The following RGS6 variants were observed in gnomAD, a reference collection of about 807,000 sequenced individuals.
RGS6 encodes the protein regulator of G-protein signaling 6.
RGS6 carries 30 observed loss-of-function variants against 78.5 expected under a neutral mutation model. The observed-to-expected ratio is 0.38, with a 90% CI of 0.29 to 0.52. The LOEUF (loss-of-function observed/expected upper bound fraction) is 0.52, where lower values mean the gene tolerates loss of function less well. RGS6 is among the 20% of genes least tolerant of loss of function. RGS6 has a pLI of 0.85. For synonymous variants in RGS6, 206 were observed against 206.0 expected, an observed-to-expected ratio of 1.00 and a Z score of 0.00; for missense variants, 495 against 609.7, an observed-to-expected ratio of 0.81 and a Z score of 1.98.
chr14:72,471,958 C>A (rs114655630), intron 8 of RGS6, among the ~76,000 whole-genome samples: 1 of 152,100 alleles, frequency 6.6e-6, no homozygotes, highest in African/African-American at 2.4e-5. Flanking sequence ...TGGTATTTCT[C>A]GATTAACTTT....
intron 2 of RGS6, among the ~76,000 whole-genome samples, chr14:72,069,694 CATGCCCAGCTA>C (rs1050020514): frequency 4.6e-5 from 7 of 151,972 alleles, no homozygotes; most frequent in Non-Finnish European, 1.0e-4. Flanking sequence ...CACACACCAC[CATGCCCAGCTA>C]ATTTTTGTAT....
intron 2 of RGS6, among the ~76,000 whole-genome samples, chr14:72,108,125 T>C (rs2095672315): frequency 6.6e-6 from 1 of 152,156 alleles, no homozygotes; most frequent in African/African-American, 2.4e-5. Context: ...AGGAAGAAGT[T>C]ATGGGAACAG....
intron 15 of RGS6, among the ~76,000 whole-genome samples, chr14:72,519,098 AC>A (rs1168698961): frequency 2.0e-5 from 3 of 152,248 alleles, no homozygotes; most frequent in Non-Finnish European, 2.9e-5. Context: ...TAAATGGGCA[AC>A]TTCAACAGTG....
chr14:71,939,370 G>A (rs2090118198), intron 1 of RGS6, among the ~76,000 whole-genome samples: 2 of 152,190 alleles, frequency 1.3e-5, no homozygotes, highest in South Asian at 4.1e-4. Context: ...AGTCCAGTGT[G>A]TTTGCTACCT....
intron 2 of RGS6, among the ~76,000 whole-genome samples, chr14:72,212,737 G>A (rs1452222187): frequency 6.6e-6 from 1 of 152,090 alleles, no homozygotes; most frequent in Non-Finnish European, 1.5e-5. Context: ...CTCTAGTCTT[G>A]TAGTTGGACA....
At chr14:72,329,410 C>G (rs528761221) in intron 2 of RGS6, among the ~76,000 whole-genome samples, 2 of 152,362 alleles carry the variant, frequency 1.3e-5, no homozygotes, top group South Asian at 4.1e-4. Context: ...AGGCAGCATG[C>G]CAGTGGACAC....
At chr14:72,196,971 G>A (rs529495721) in intron 2 of RGS6, among the ~76,000 whole-genome samples, 1 of 152,330 alleles carries the variant, frequency 6.6e-6, no homozygotes, top group South Asian at 2.1e-4. Context: ...TTGACCTCTT[G>A]TTGGACCAAT....
At chr14:72,156,682 A>G (rs1449614146) in intron 2 of RGS6, among the ~76,000 whole-genome samples, 4 of 151,852 alleles carry the variant, frequency 2.6e-5, no homozygotes, top group African/African-American at 9.7e-5. Flanking sequence ...AGCAAATAAG[A>G]TGAGATCTGC....
chr14:71,960,768 C>T (rs115419096), intron 1 of RGS6, among the ~76,000 whole-genome samples: 3,114 of 152,318 alleles, frequency 0.02, 105 homozygotes, highest in African/African-American at 0.068. Flanking sequence ...AAAGCTGAGC[C>T]GCTTCTGGGG....
chr14:72,511,016 G>T (rs1485643437), intron 14 of RGS6, among the ~76,000 whole-genome samples: 2 of 152,206 alleles, frequency 1.3e-5, no homozygotes, highest in African/African-American at 4.8e-5. Context: ...GAAAGGAAAA[G>T]TCTCCTTGGT....
chr14:72,218,394 A>G (rs1221543262), intron 2 of RGS6, among the ~76,000 whole-genome samples: 2 of 152,072 alleles, frequency 1.3e-5, no homozygotes, highest in East Asian at 3.8e-4. Context: ...TTGTATCAAT[A>G]TATTAATATT....
At chr14:72,466,596 T>A in intron 7 of RGS6, among the ~76,000 whole-genome samples, 1 of 152,248 alleles carries the variant, frequency 6.6e-6, no homozygotes, top group East Asian at 1.9e-4. Flanking sequence ...CTTGAATGAG[T>A]ACCAAGAACA....
chr14:72,189,148 T>G (rs941251603), intron 2 of RGS6, among the ~76,000 whole-genome samples: 1 of 152,172 alleles, frequency 6.6e-6, no homozygotes, highest in South Asian at 2.1e-4. Context: ...GCCAAAACTA[T>G]GGATAATATT....
chr14:72,184,398 AC>A (rs2097211994), intron 2 of RGS6, among the ~76,000 whole-genome samples: 8 of 151,918 alleles, frequency 5.3e-5, no homozygotes, highest in African/African-American at 1.9e-4. Context: ...ACACACACAC[AC>A]ACACACACAC....
chr14:72,080,043 T>A (rs2094750960), intron 2 of RGS6, among the ~76,000 whole-genome samples: 1 of 152,140 alleles, frequency 6.6e-6, no homozygotes, highest in South Asian at 2.1e-4. Context: ...TTCCTTTGGG[T>A]ATATACTCAG....
intron 2 of RGS6, among the ~76,000 whole-genome samples, chr14:72,000,245 A>G (rs1427509493): frequency 6.6e-6 from 1 of 152,234 alleles, no homozygotes; most frequent in Non-Finnish European, 1.5e-5. Flanking sequence ...ATGAGGATGC[A>G]AAGGAAGAAG....
intron 3 of RGS6, among the ~76,000 whole-genome samples, chr14:72,380,745 A>G (rs1477239149): frequency 6.6e-6 from 1 of 152,134 alleles, no homozygotes; most frequent in Non-Finnish European, 1.5e-5. Flanking sequence ...TAGAGCCACT[A>G]TGGAGAACAG....
At chr14:72,418,669 G>C (rs2093985719) in intron 3 of RGS6, among the ~76,000 whole-genome samples, 1 of 152,206 alleles carries the variant, frequency 6.6e-6, no homozygotes. Context: ...AAAACTCCTT[G>C]CATGGAAGGT....
intron 2 of RGS6, among the ~76,000 whole-genome samples, chr14:72,120,395 T>C (rs1295359246): frequency 6.6e-6 from 1 of 152,210 alleles, no homozygotes; most frequent in African/African-American, 2.4e-5. Flanking sequence ...CTGCTTTCTG[T>C]TTCTTCATTC....
Sources: gnomAD v4.1 joint callset for allele counts (sites outside exome capture counted in the v4.1 genomes callset) on GRCh38, gnomAD v4.1.1 for gene constraint, MANE v1.5 for transcripts, NCBI Gene and HGNC (gene_info 2026-07-23, HGNC 2026-07-21) for gene names.